MAGI2: variants seen among roughly 807,000 people sequenced by gnomAD.
MAGI2 encodes membrane associated guanylate kinase, WW and PDZ domain containing 2.
A neutral mutation model predicts 133.3 loss-of-function variants in MAGI2; 35 were observed. That is an observed-to-expected ratio of 0.26 (90% CI 0.20 to 0.35). The LOEUF is 0.35. Among genes scored for constraint, MAGI2 ranks in the 10% least tolerant of loss-of-function variants. The pLI is 1.00. For missense variants in MAGI2, 1,636 were observed against 1,863.4 expected, an observed-to-expected ratio of 0.88 and a Z score of 2.25; for synonymous variants, 729 against 710.6, an observed-to-expected ratio of 1.03 and a Z score of -0.41.
At chr7:78,550,672 T>C (rs934334593) in intron 3 of MAGI2, among the ~76,000 whole-genome samples, 5 of 152,180 alleles carry the variant, frequency 3.3e-5, no homozygotes, top group African/African-American at 1.2e-4. Flanking sequence ...TTGTGATCCT[T>C]GATACTGTTT....
chr7:79,058,732 A>G (rs1187324848), intron 1 of MAGI2, among the ~76,000 whole-genome samples: 2 of 152,174 alleles, frequency 1.3e-5, no homozygotes, highest in African/African-American at 4.8e-5. Context: ...AGTTATAAAT[A>G]TACACTGCTG....
chr7:78,474,000 C>T (rs984837421), intron 6 of MAGI2, among the ~76,000 whole-genome samples: 1 of 151,972 alleles, frequency 6.6e-6, no homozygotes, highest in African/African-American at 2.4e-5. Context: ...CCATCTGTGC[C>T]CCTGTCATCA....
At chr7:79,071,548 C>T (rs1005885334) in intron 1 of MAGI2, among the ~76,000 whole-genome samples, 6 of 152,152 alleles carry the variant, frequency 3.9e-5, no homozygotes, top group Non-Finnish European at 8.8e-5. Flanking sequence ...GCTATGCCCA[C>T]AGCCGCCCCT....
At chr7:78,583,070 C>T (rs920937672) in intron 3 of MAGI2, among the ~76,000 whole-genome samples, 6 of 152,092 alleles carry the variant, frequency 3.9e-5, no homozygotes, top group African/African-American at 1.2e-4. Context: ...CAAGTCAACA[C>T]GGAGGAAGTG....
At chr7:78,727,223 G>A (rs756655155) in intron 2 of MAGI2, among the ~76,000 whole-genome samples, 2 of 152,150 alleles carry the variant, frequency 1.3e-5, no homozygotes, top group Non-Finnish European at 2.9e-5. Context: ...AGAGTTTATC[G>A]ATATATAAGT....
At chr7:78,300,803 TCTTTA>T (rs1797755204) in intron 9 of MAGI2, among the ~76,000 whole-genome samples, 1 of 152,222 alleles carries the variant, frequency 6.6e-6, no homozygotes, top group South Asian at 2.1e-4. Flanking sequence ...TTGCAGGTTT[TCTTTA>T]CTTAAAACGT....
At chr7:78,260,349 C>T (rs893397529) in intron 9 of MAGI2, among the ~76,000 whole-genome samples, 6 of 152,124 alleles carry the variant, frequency 3.9e-5, no homozygotes, top group African/African-American at 1.4e-4. Flanking sequence ...TTTAAGAGCA[C>T]AGAAAGGGAC....
intron 6 of MAGI2, among the ~76,000 whole-genome samples, chr7:78,372,181 T>G (rs1254328485): frequency 6.6e-6 from 1 of 152,096 alleles, no homozygotes; most frequent in Admixed American, 6.5e-5. Flanking sequence ...AGTATGCTAA[T>G]GAAAAAACAC....
intron 3 of MAGI2, among the ~76,000 whole-genome samples, chr7:78,579,917 G>A (rs2150805604): frequency 6.6e-6 from 1 of 152,238 alleles, no homozygotes; most frequent in East Asian, 1.9e-4. Flanking sequence ...TTTGACTGCA[G>A]CGACCAACTG....
In MAGI2 at chr7:78,880,834, C is replaced by T. The variant is rs1354177345; in HGVS notation, c.418+126256G>A. On this transcript the variant is annotated intron_variant, in intron 2 of 21. Transcript: ENST00000354212. ...CCTGCTATCATCAAGAGACCCATTT[C>T]TCACATAATGACACCCACAGGCTCA... Among the ~76,000 whole-genome samples the T allele has an allele frequency of 5.3e-5, 8 of 152,110 alleles. No individual in the cohort carries two copies. The South Asian group carries it at 8.3e-4, about 16-fold the overall frequency.
At chr7:78,757,636 A>G (rs948652173) in intron 2 of MAGI2, among the ~76,000 whole-genome samples, 3 of 152,134 alleles carry the variant, frequency 2.0e-5, no homozygotes, top group African/African-American at 7.2e-5. Flanking sequence ...CACCTGATAC[A>G]GTTGATCATT....
chr7:79,023,615 C>T lies in MAGI2; in HGVS notation c.302-16409G>A, dbSNP rs368680435. ...AGTGTGTGCTCAAACGCTTTTTGAT[C>T]ATATACACAATTTCAGCAAAGCTTC... On this transcript the variant is annotated intron_variant, in intron 1 of 21. Transcript: ENST00000354212. Among the ~76,000 whole-genome samples, 31 of 152,176 alleles carry T rather than the reference C, an allele frequency of 2.0e-4. No individual in the cohort carries two copies. The South Asian group carries it at 6.0e-3, about 29-fold the overall frequency.
chr7:78,209,089 G>GCA lies in MAGI2; in HGVS notation c.2048-7897_2048-7896insTG, dbSNP rs1563264430. Among the ~76,000 whole-genome samples, 10 of 132,962 alleles carry GCA rather than the reference G, an allele frequency of 7.5e-5. No individual in the cohort carries two copies. In the East Asian group the frequency reaches 2.1e-3, roughly 28 times the overall value. 87.2% of individuals were successfully genotyped at this position (132,962 alleles called of 152,430 possible). On this transcript the variant is annotated intron_variant, in intron 10 of 21. Coordinates refer to ENST00000354212, the MANE Select transcript of MAGI2 (RefSeq NM_012301.4). ...TACAAAAAATTAGCCGGGCGTGGTG[G>GCA]CGGGCGCCTGTAGTCCCAGCTACTT...
intron 20 of MAGI2, among the ~76,000 whole-genome samples, chr7:78,120,415 A>C (rs972887544): frequency 6.6e-6 from 1 of 152,150 alleles, no homozygotes; most frequent in African/African-American, 2.4e-5. Flanking sequence ...AACAAAAACA[A>C]AAACACTTGA....
At chr7:78,165,048 A>G (rs1825488330) in intron 15 of MAGI2, among the ~76,000 whole-genome samples, 1 of 152,240 alleles carries the variant, frequency 6.6e-6, no homozygotes, top group Admixed American at 6.5e-5. Context: ...ATAAAACTGG[A>G]GGCAATTTAT....
intron 21 of MAGI2, among the ~76,000 whole-genome samples, chr7:78,077,723 A>ATTTTTTTT (rs1300577440): frequency 1.5e-4 from 14 of 95,996 alleles, no homozygotes; most frequent in South Asian, 3.5e-4. Flanking sequence ...ACTCTTTAGA[A>ATTTTTTTT]TGTTTTTTTT....
At chr7:78,563,944 C>A (rs1309403946) in intron 3 of MAGI2, among the ~76,000 whole-genome samples, 1 of 151,970 alleles carries the variant, frequency 6.6e-6, no homozygotes, top group Non-Finnish European at 1.5e-5. Context: ...AATTTGAGGC[C>A]TAAATTAAAT....
intron 2 of MAGI2, among the ~76,000 whole-genome samples, chr7:78,892,260 C>G (rs954692758): frequency 9.9e-5 from 15 of 152,170 alleles, no homozygotes; most frequent in African/African-American, 2.9e-4. Flanking sequence ...ACATTCCATG[C>G]TCATGGGTAG....
At chr7:78,310,116 C>T (rs1798573659) in intron 9 of MAGI2, among the ~76,000 whole-genome samples, 1 of 151,998 alleles carries the variant, frequency 6.6e-6, no homozygotes, top group Non-Finnish European at 1.5e-5. Flanking sequence ...TTATTTTATG[C>T]AGTTACATTT....
Sources: allele counts gnomAD v4.1 joint callset (sites outside exome capture counted in the v4.1 genomes callset), GRCh38; gene constraint gnomAD v4.1.1; transcripts MANE v1.5; gene names NCBI Gene and HGNC (gene_info 2026-07-23, HGNC 2026-07-21).